DDC: variants seen among roughly 807,000 people sequenced by gnomAD.
DDC encodes aromatic-L-amino-acid decarboxylase.
DDC carries 43 observed loss-of-function variants against 60.0 expected under a neutral mutation model. That is an observed-to-expected ratio of 0.72 (90% CI 0.56 to 0.92). The LOEUF is 0.92. Ranked by LOEUF, DDC falls within the 40% of genes least tolerant of loss-of-function variation. The pLI is 0.00. For synonymous variants in DDC, 232 were observed against 234.6 expected (o/e 0.99, Z 0.10); for missense variants, 573 against 620.2 (o/e 0.92, Z 0.81).
At chr7:50,515,045 A>G (rs1332708313) in intron 6 of DDC, among the ~76,000 whole-genome samples, 3 of 152,174 alleles carry the variant, frequency 2.0e-5, no homozygotes, top group East Asian at 1.9e-4. Flanking sequence ...CAGCCATCCA[A>G]ATACAAGAAG....
At chr7:50,562,067 G>T (rs3829897) in intron 1 of DDC, among the ~76,000 whole-genome samples, 71,042 of 152,016 alleles carry the variant, frequency 0.47, 17,329 homozygotes, top group East Asian at 0.62. Flanking sequence ...AGCTAGAAAT[G>T]CCCCAAGGAG....
chr7:50,478,478 T>C (rs1185279180), intron 10 of DDC, among the ~76,000 whole-genome samples: 1 of 152,200 alleles, frequency 6.6e-6, no homozygotes, highest in African/African-American at 2.4e-5. Flanking sequence ...ATTTCCCTCA[T>C]TGCAGAAACT....
At chr7:50,475,360 T>C (rs2042617971) in intron 11 of DDC, among the ~76,000 whole-genome samples, 1 of 152,256 alleles carries the variant, frequency 6.6e-6, no homozygotes, top group Admixed American at 6.5e-5. Context: ...GCATCATCCA[T>C]GGATCTTCCC....
At chr7:50,470,891 T>C (rs11238131) in intron 11 of DDC, among the ~76,000 whole-genome samples, 100,595 of 152,038 alleles carry the variant, frequency 0.66, 33,569 homozygotes, top group Admixed American at 0.74. Flanking sequence ...AGCAGCACTG[T>C]GTGGTCATCT....
intron 10 of DDC, among the ~76,000 whole-genome samples, chr7:50,477,377 C>A (rs184330073): frequency 5.9e-5 from 9 of 152,188 alleles, no homozygotes; most frequent in Non-Finnish European, 1.3e-4. Flanking sequence ...CTGCACAGAT[C>A]GGTGGAAAAG....
At position 50,480,060 on chromosome 7, in the gene DDC, G is replaced by T. The variant is rs1484035895; in HGVS notation, c.945-197C>A. ...AATAAAAAATAAATATTTGGTCTTT[G>T]TTACCAGTTCCTGGCACACAGCTCC... On this transcript the variant is annotated intron_variant, in intron 9 of 14. Transcript: ENST00000444124. 8.4e-6 allele frequency: 5 copies of T among 598,184 alleles called. No individual in the cohort carries two copies. The African/African-American group carries it at 9.3e-5, about 11-fold the overall frequency. The allele number at this position is 598,184 out of a possible 1,614,324, so 37.1% of individuals were successfully genotyped here.
intron 6 of DDC, among the ~76,000 whole-genome samples, chr7:50,518,771 G>A (rs1240424929): frequency 1.3e-5 from 2 of 152,200 alleles, no homozygotes; most frequent in African/African-American, 4.8e-5. Flanking sequence ...CCTAAGACCT[G>A]AAACTATAAA....
intron 13 of DDC, among the ~76,000 whole-genome samples, chr7:50,465,298 G>A (rs1308670909): frequency 6.6e-6 from 1 of 152,212 alleles, no homozygotes; most frequent in African/African-American, 2.4e-5. Context: ...GTTTCTTTTA[G>A]GGGGATGAAA....
At chr7:50,501,600 A>G (rs963715970) in intron 7 of DDC, among the ~76,000 whole-genome samples, 7 of 152,238 alleles carry the variant, frequency 4.6e-5, no homozygotes, top group Non-Finnish European at 1.0e-4. Context: ...ATGTTAGATT[A>G]TTCTAATCAT....
chr7:50,529,273 C>T lies in DDC; in HGVS notation c.505G>A (p.Ala169Thr). Residue 169 changes from alanine (A) to threonine (T), a missense_variant, in exon 5 of 15, where the codon GCA (alanine) becomes ACA (threonine). By Grantham distance (58) the Ala-to-Thr change is moderately conservative. Coordinates refer to ENST00000444124, the MANE Select transcript of DDC (RefSeq NM_001082971.2). ...GCCTGTGTGAGCTCTGGGGACGCTGCCTGCAGCCGATGGATCACTTTGGTC... is the reference window on the plus strand; with the variant it reads ...GCCTGTGTGAGCTCTGGGGACGCTGTCTGCAGCCGATGGATCACTTTGGTC... ...ARTKVIHRLQ[A>T]ASPELTQAAI... is the part of the protein sequence containing the mutation. The T allele has an allele frequency of 6.2e-7, 1 of 1,614,048 alleles. No homozygotes were observed. The highest frequency in any genetic ancestry group is 8.5e-7 in the Non-Finnish European group (1 of 1,180,048).
intron 1 of DDC, among the ~76,000 whole-genome samples, chr7:50,549,656 C>CAA (rs58449351): frequency 1.1e-3 from 104 of 95,052 alleles, no homozygotes; most frequent in African/African-American, 3.0e-3. Flanking sequence ...GACTCTGTCT[C>CAA]AAAAAAAAAA....
At chr7:50,533,792 G>A (rs1044401073) in intron 4 of DDC, among the ~76,000 whole-genome samples, 3 of 152,184 alleles carry the variant, frequency 2.0e-5, no homozygotes, top group Non-Finnish European at 4.4e-5. Flanking sequence ...ACACTGCACA[G>A]AGCTGAGTCT....
chr7:50,461,438 T>C (rs1222202925), intron 14 of DDC, among the ~76,000 whole-genome samples: 1 of 152,254 alleles, frequency 6.6e-6, no homozygotes, highest in Non-Finnish European at 1.5e-5. Context: ...TTGTATCACA[T>C]ATCTTTTTAA....
chr7:50,465,751 G>T (rs2042380936), intron 13 of DDC, among the ~76,000 whole-genome samples: 1 of 152,336 alleles, frequency 6.6e-6, no homozygotes, highest in South Asian at 2.1e-4. Context: ...AGTCCTAGAA[G>T]AAAACTGTCA....
chr7:50,553,947 C>T (rs1389528077), intron 1 of DDC, among the ~76,000 whole-genome samples: 3 of 152,150 alleles, frequency 2.0e-5, no homozygotes, highest in Middle Eastern at 3.2e-3. Flanking sequence ...AAAAAACATC[C>T]TCTAAGTTCT....
chr7:50,528,118 C>T lies in DDC; in HGVS notation c.714+19G>A, dbSNP rs368647422. On this transcript the variant is annotated intron_variant, in intron 6 of 14. Coordinates refer to ENST00000444124, the MANE Select transcript of DDC (RefSeq NM_001082971.2). ...GTTTCACCTTATTGGCCAGGAGCCA[C>T]AAGTGCTGCCGAACTTACAAAGAAA... 12 of 1,611,882 alleles carry T rather than the reference C, an allele frequency of 7.4e-6. No individual in the cohort carries two copies. In the African/African-American group the frequency reaches 1.3e-4, roughly 18 times the overall value.
chr7:50,469,845 G>A (rs1381904787), intron 12 of DDC, among the ~76,000 whole-genome samples: 2 of 152,090 alleles, frequency 1.3e-5, no homozygotes, highest in Non-Finnish European at 2.9e-5. Flanking sequence ...TGGGCATGAT[G>A]GCGCATGCCT....
chr7:50,480,677 T>C (rs1161899097), intron 9 of DDC, among the ~76,000 whole-genome samples: 1 of 151,880 alleles, frequency 6.6e-6, no homozygotes, highest in Non-Finnish European at 1.5e-5. Flanking sequence ...GTCTGCAGAG[T>C]TGGAGAATTG....
intron 12 of DDC, among the ~76,000 whole-genome samples, chr7:50,467,888 G>A (rs11575519): frequency 0.053 from 8,022 of 152,284 alleles, 490 homozygotes; most frequent in African/African-American, 0.15. Context: ...CCTCCTCCGC[G>A]TTTGCCACCT....
Sources: allele counts gnomAD v4.1 joint callset (sites outside exome capture counted in the v4.1 genomes callset), GRCh38; gene constraint gnomAD v4.1.1; transcripts MANE v1.5; gene names NCBI Gene and HGNC (gene_info 2026-07-23, HGNC 2026-07-21).